The following TANGO6 variants were observed in gnomAD, a reference collection of about 807,000 sequenced individuals.
TANGO6 encodes transport and golgi organization 6 homolog, also known as transport and Golgi organization protein 6 homolog.
Under a neutral mutation model 114.2 loss-of-function variants are expected in TANGO6, and 90 were observed. The observed-to-expected ratio is 0.79, with a 90% CI of 0.66 to 0.94. TANGO6 has a LOEUF of 0.94. Among genes scored for constraint, TANGO6 ranks in the 40% least tolerant of loss-of-function variants. The pLI is 0.00. For synonymous variants in TANGO6, 477 were observed against 509.8 expected, an observed-to-expected ratio of 0.94 and a Z score of 0.87; for missense variants, 1,274 against 1,315.3, an observed-to-expected ratio of 0.97 and a Z score of 0.49.
intron 14 of TANGO6, among the ~76,000 whole-genome samples, chr16:68,968,709 C>T (rs1300508118): frequency 7.8e-6 from 1 of 127,942 alleles, no homozygotes; most frequent in East Asian, 2.3e-4. Flanking sequence ...CTTGCTCTGT[C>T]GCCCAGGCTG....
At chr16:68,935,248 G>A (rs1351926737) in intron 14 of TANGO6, among the ~76,000 whole-genome samples, 1 of 152,190 alleles carries the variant, frequency 6.6e-6, no homozygotes, top group Non-Finnish European at 1.5e-5. Flanking sequence ...GGTTTGAGTA[G>A]CATTCAGTTG....
rs77994575 is a variant in TANGO6 at position 68,909,066 on chromosome 16, A to G, written c.1801-145A>G. 1,880 of 633,036 alleles carry G rather than the reference A, an allele frequency of 3.0e-3. 29 individuals carry two copies. In the African/African-American group the frequency reaches 0.032, roughly 11 times the overall value. 39.2% of individuals were successfully genotyped at this position (633,036 alleles called of 1,614,324 possible). A position where few individuals can be genotyped will look rare whatever the true frequency, so the allele number is the denominator to read the frequency against. On this transcript the variant is annotated intron_variant, in intron 10 of 17. Coordinates refer to ENST00000261778, the MANE Select transcript of TANGO6 (RefSeq NM_024562.2). ...TTGCTGGACATTTAGCTTGTCTCCAAGTTTTGGCTATTATAAATAATGTTG... is the reference window on the plus strand; with the variant it reads ...TTGCTGGACATTTAGCTTGTCTCCAGGTTTTGGCTATTATAAATAATGTTG...
intron 9 of TANGO6, among the ~76,000 whole-genome samples, chr16:68,906,680 C>G (rs1291489556): frequency 6.6e-6 from 1 of 152,050 alleles, no homozygotes; most frequent in East Asian, 1.9e-4. Context: ...AACTCCTGGG[C>G]TCAAGCAGTC....
rs556569166 is a variant in TANGO6 at position 68,973,431 on chromosome 16, T to C, written c.2702-597T>C. On this transcript the variant is annotated intron_variant, in intron 14 of 17. Coordinates refer to ENST00000261778, the MANE Select transcript of TANGO6 (RefSeq NM_024562.2). ...CCAACCAGGGGTTTTGTTCTGGATC[T>C]GTCTGGTCATCTCTCACCTCCCTGC... Among the ~76,000 whole-genome samples the C allele has an allele frequency of 1.6e-4, 24 of 152,292 alleles. No homozygotes were observed. The East Asian group carries it at 4.4e-3, about 28-fold the overall frequency.
In TANGO6 at chr16:68,860,514, C is replaced by T; in HGVS notation, c.725C>T (p.Pro242Leu). The change falls in exon 2 of 18, where the codon CCT (proline) becomes CTT (leucine). Residue 242 changes from proline (P) to leucine (L), a missense_variant. Pro to Leu is a moderately conservative substitution (Grantham distance 98). This residue lies in a region of TANGO6 where 908 missense variants were observed against 910.2 expected (regional missense o/e 1.00). Transcript: ENST00000261778. ...CCAACCAAAAGAAAACTGCTAACAC[C>T]TGCAGAAGAGGTAAATATACATTGA... is the stretch of plus-strand genomic sequence containing the variant. ...FCPTKRKLLT[P>L]AEEVLTEEER... is the part of the protein sequence containing the mutation. The T allele has an allele frequency of 6.2e-7, 1 of 1,612,890 alleles. No individual in the cohort carries two copies. Among genetic ancestry groups the T allele is most frequent in the Non-Finnish European group, 8.5e-7 (1 of 1,179,280 alleles).
chr16:69,005,511 G>A (rs1332694566), intron 15 of TANGO6, among the ~76,000 whole-genome samples: 2 of 152,140 alleles, frequency 1.3e-5, no homozygotes, highest in African/African-American at 2.4e-5. Context: ...AAAGGTAGCG[G>A]CCAGGCACGG....
chr16:68,985,387 G>A (rs753343010), intron 15 of TANGO6, among the ~76,000 whole-genome samples: 57 of 152,028 alleles, frequency 3.7e-4, no homozygotes, highest in Admixed American at 8.5e-4. Flanking sequence ...TTTCTACAAG[G>A]GAAGTTATTA....
rs562523656 is a variant in TANGO6, at chr16:68,982,630, C to CTTTTTTTTTTTTTTTTTTTTTTTT, written c.2842+8484_2842+8485insTTTTTTTTTTTTTTTTTTTTTTTT. Among the ~76,000 whole-genome samples, 15 of 105,304 alleles carry CTTTTTTTTTTTTTTTTTTTTTTTT rather than the reference C, an allele frequency of 1.4e-4. 1 individual carries two copies. The highest frequency in any genetic ancestry group is 5.7e-4 in the African/African-American group (12 of 21,172). The allele number at this position is 105,304 out of a possible 152,430, so 69.1% of individuals were successfully genotyped here. A position where few individuals can be genotyped will look rare whatever the true frequency, so the allele number is the denominator to read the frequency against. On this transcript the variant is annotated intron_variant, in intron 15 of 17. Transcript: ENST00000261778. ...CAGGCATGAGCCACCATGCCCTGGC[C>CTTTTTTTTTTTTTTTTTTTTTTTT]TTTTTTTTTTTTTTTTTTTTTTGTA...
intron 14 of TANGO6, chr16:68,937,697 G>A (rs1259435539): frequency 1.3e-5 from 2 of 152,080 alleles, no homozygotes; most frequent in Non-Finnish European, 2.9e-5. Context: ...TGAGGTTTGA[G>A]GTTTCCTTTT....
At chr16:68,907,675 A>G (rs1962871794) in intron 10 of TANGO6, 100 bp downstream of exon 10, 1 of 1,362,922 alleles carries the variant, frequency 7.3e-7, no homozygotes. Context: ...CCTAAAATGT[A>G]GGCCCTAATT....
chr16:69,076,947 A>G (rs1182884457), intron 17 of TANGO6, among the ~76,000 whole-genome samples: 2 of 152,142 alleles, frequency 1.3e-5, no homozygotes, highest in Non-Finnish European at 2.9e-5. Context: ...TAGTAAGCCA[A>G]GATCGCACCA....
At chr16:69,039,110 G>A (rs1233281026) in intron 16 of TANGO6, among the ~76,000 whole-genome samples, 4 of 152,026 alleles carry the variant, frequency 2.6e-5, no homozygotes, top group African/African-American at 4.8e-5. Flanking sequence ...GCGTGAACCC[G>A]GGAAGCGGAG....
intron 15 of TANGO6, among the ~76,000 whole-genome samples, chr16:68,993,430 G>T (rs1026566828): frequency 1.3e-5 from 2 of 152,176 alleles, no homozygotes; most frequent in Non-Finnish European, 2.9e-5. Context: ...TGCAAGTTTT[G>T]AAATAGATTT....
At chr16:68,937,767 T>G (rs1179756821) in intron 14 of TANGO6, 2 of 152,388 alleles carry the variant, frequency 1.3e-5, no homozygotes, top group Non-Finnish European at 1.5e-5. Flanking sequence ...AGCCATGTTT[T>G]ATTTATCCAG....
chr16:68,973,061 C>A, intron 14 of TANGO6: 1 of 452,302 alleles, frequency 2.2e-6, no homozygotes, highest in Non-Finnish European at 4.4e-6. Flanking sequence ...AGAAGGGAAA[C>A]CACTGAGGGG....
chr16:68,907,704 G>C, intron 10 of TANGO6, 129 bp downstream of exon 10: 1 of 1,128,098 alleles, frequency 8.9e-7, no homozygotes, highest in Non-Finnish European at 1.2e-6. Context: ...ATGGTCAGAG[G>C]ACATAAAGGA....
intron 14 of TANGO6, among the ~76,000 whole-genome samples, chr16:68,947,215 T>A (rs533099055): frequency 6.6e-6 from 1 of 152,240 alleles, no homozygotes; most frequent in African/African-American, 2.4e-5. Flanking sequence ...CCCAGCACTT[T>A]GGGAGGCCGA....
Position 68,927,839 on chromosome 16 carries a change from G to A in TANGO6, c.2399G>A (p.Ser800Asn). 1 of 1,614,032 alleles carries A rather than the reference G, an allele frequency of 6.2e-7. No individual in the cohort carries two copies. The highest frequency in any genetic ancestry group is 8.5e-7 in the Non-Finnish European group (1 of 1,179,900). ...CATAGCCACCTTGAACAACAGCAGA[G>A]CCATGAGACAGCCCCCCAGACAGGC... The part of the protein sequence containing the change: ...VAHSHLEQQQ[S>N]HETAPQTGLQ... Residue 800 changes from serine (S) to asparagine (N), a missense_variant, in exon 13 of 18, where the codon AGC becomes AAC. Physicochemically the swap from Ser to Asn is conservative, Grantham distance 46. Coordinates refer to ENST00000261778, the MANE Select transcript of TANGO6 (RefSeq NM_024562.2).
In TANGO6 at chr16:69,073,931, C is replaced by T. The variant is rs544036886; in HGVS notation, c.3109-9554C>T. 2.6e-5 allele frequency among the ~76,000 whole-genome samples: 4 copies of T among 151,616 alleles called. No individual in the cohort carries two copies. The South Asian group carries it at 6.3e-4, about 24-fold the overall frequency. On this transcript the variant is annotated intron_variant, in intron 17 of 17. Transcript: ENST00000261778. ...GATCATGCCATTCACTGCTCTCCAGCCTGGGGGGCACAGAGCAAGACTCCA... is the reference window on the plus strand; with the variant it reads ...GATCATGCCATTCACTGCTCTCCAGTCTGGGGGGCACAGAGCAAGACTCCA...
Sources: gnomAD v4.1 joint callset for allele counts (sites outside exome capture counted in the v4.1 genomes callset) on GRCh38, gnomAD v4.1.1 for gene constraint, gnomAD v4.1.1 regional missense constraint, MANE v1.5 for transcripts, NCBI Gene and HGNC (gene_info 2026-07-23, HGNC 2026-07-21) for gene names.